Variants in KCNG4 observed in about 807,000 individuals in gnomAD.
KCNG4 encodes the protein voltage-gated potassium channel regulatory subunit KCNG4.
A neutral mutation model predicts 28.2 loss-of-function variants in KCNG4; 30 were observed. That is an observed-to-expected ratio of 1.06 (90% CI 0.80 to 1.44). The LOEUF (loss-of-function observed/expected upper bound fraction) is 1.44. Ranked by LOEUF, KCNG4 falls within the 40% of genes most tolerant of loss-of-function variation. The pLI, the probability that KCNG4 is intolerant of heterozygous loss-of-function variation, is 0.00. For synonymous variants in KCNG4, 375 were observed against 315.5 expected (o/e 1.19, Z -2.00); for missense variants, 879 against 712.3 (o/e 1.23, Z -2.66).
chr16:84,222,433 G>T lies in KCNG4; in HGVS notation c.1344C>A (p.Phe448Leu). The T allele has an allele frequency of 1.2e-6, 2 of 1,614,138 alleles. No homozygotes were observed. The highest frequency in any genetic ancestry group is 2.2e-5 in the South Asian group (2 of 91,080). ...SILSGILIMAFPATSIFHTFS... is the reference protein window; with the variant it reads ...SILSGILIMALPATSIFHTFS... Reference sequence around the variant, plus strand: ...AGGTGTGGAAGATAGACGTGGCCGGGAAGGCCATGATGAGGATCCCGCTCA... The same window carrying T: ...AGGTGTGGAAGATAGACGTGGCCGGTAAGGCCATGATGAGGATCCCGCTCA... Residue 448 changes from phenylalanine (F) to leucine (L), a missense_variant, in exon 3 of 3, where the codon TTC becomes TTA. Physicochemically the swap from Phe to Leu is conservative, Grantham distance 22. Coordinates refer to ENST00000308251, the MANE Select transcript of KCNG4 (RefSeq NM_172347.3).
chr16:84,236,283 C>T, intron 2 of KCNG4: 1 of 201,286 alleles, frequency 5.0e-6, no homozygotes, highest in Non-Finnish European at 1.0e-5. Context: ...TGCTCTAGGG[C>T]TTAGCACAGA....
In KCNG4 at chr16:84,222,038, G is replaced by A. The variant is rs957478389; in HGVS notation, c.*179C>T. ...CTGGACACAGTCAGCCTGGGACATC[G>A]GGGCCCCGAGGGACAAGGATCACAG... On this transcript the variant is annotated 3_prime_UTR_variant, in exon 3 of 3. Coordinates refer to ENST00000308251, the MANE Select transcript of KCNG4 (RefSeq NM_172347.3). 2.3e-5 allele frequency: 16 copies of A among 692,698 alleles called. No homozygotes were observed. The highest frequency in any genetic ancestry group is 2.9e-5 in the Non-Finnish European group (12 of 410,038). 42.9% of individuals were successfully genotyped at this position (692,698 alleles called of 1,614,324 possible).
In KCNG4 at chr16:84,230,132, T is replaced by C. The variant is rs1324556015; in HGVS notation, c.756+6598A>G. Among the ~76,000 whole-genome samples the C allele has an allele frequency of 2.0e-5, 3 of 152,040 alleles. 1 individual carries two copies. The highest frequency in any genetic ancestry group is 6.5e-5 in the Admixed American group (1 of 15,282). ...AAAATCTCTCTCTGTGGGCCAGGCA[T>C]AGTGGCTCAGGCCTATAATCCCAGC... On this transcript the variant is annotated intron_variant, in intron 2 of 2. Transcript: ENST00000308251.
chr16:84,224,900 G>C (rs1212579306), intron 2 of KCNG4, among the ~76,000 whole-genome samples: 2 of 152,180 alleles, frequency 1.3e-5, no homozygotes, highest in Non-Finnish European at 2.9e-5. Context: ...ATGTCTGCTT[G>C]TCTAGTTACA....
chr16:84,238,782 C>T (rs538502197), intron 1 of KCNG4, among the ~76,000 whole-genome samples: 6 of 152,162 alleles, frequency 3.9e-5, no homozygotes, highest in African/African-American at 1.2e-4. Context: ...GCAGGAGAAT[C>T]GCTTGAACCC....
At chr16:84,230,447 C>T (rs1467881064) in intron 2 of KCNG4, among the ~76,000 whole-genome samples, 1 of 150,414 alleles carries the variant, frequency 6.6e-6, no homozygotes, top group East Asian at 1.9e-4. Flanking sequence ...TGGTGGGCGC[C>T]TGTAGTCGCA....
intron 2 of KCNG4, among the ~76,000 whole-genome samples, chr16:84,224,413 C>CACACACACACACAT (rs1904651272): frequency 1.4e-5 from 2 of 140,586 alleles, no homozygotes; most frequent in Admixed American, 1.4e-4. Flanking sequence ...TACACACACA[C>CACACACACACACAT]ACACACACAC....
Position 84,226,096 on chromosome 16 carries a change from G to A in KCNG4, c.757-3076C>T, listed in dbSNP as rs556167422. On this transcript the variant is annotated intron_variant, in intron 2 of 2. Transcript: ENST00000308251. The surrounding 1 kb of genome is among the most constrained non-coding windows in gnomAD (Gnocchi z 4.1). ...ACCCCCTGGGCCCTGGGCACACCGG[G>A]ATGGTTGGTCACCCTATTCCTAGCC... Among the ~76,000 whole-genome samples the A allele has an allele frequency of 6.4e-4, 98 of 152,372 alleles. 1 individual carries two copies. Among genetic ancestry groups the A allele is most frequent in the Non-Finnish European group, 1.3e-3 (88 of 68,030 alleles).
In KCNG4 at chr16:84,222,679, A is replaced by ACGG; in HGVS notation, c.1095_1097dup (p.Arg366dup). ...GGAGCAGGCCGAACTCACGTGTGCA[A>ACGG]CGGCGCACGGTGAGCCCCAGCGTCT... On this transcript the variant is annotated inframe_insertion, in exon 3 of 3. Transcript: ENST00000308251. 1 of 1,613,184 alleles carries ACGG rather than the reference A, an allele frequency of 6.2e-7. No individual in the cohort carries two copies. The highest frequency in any genetic ancestry group is 8.5e-7 in the Non-Finnish European group (1 of 1,179,834).
Position 84,226,162 on chromosome 16 carries a change from G to A in KCNG4, c.757-3142C>T, listed in dbSNP as rs1597616831. On this transcript the variant is annotated intron_variant, in intron 2 of 2. Coordinates refer to ENST00000308251, the MANE Select transcript of KCNG4 (RefSeq NM_172347.3). The surrounding 1 kb of genome is among the most constrained non-coding windows in gnomAD (Gnocchi z 4.1). ...GCGAGGTGTGTTCTGGCTCCTTCCT[G>A]CAATGAAGAAGAGCAAGCGTCAGCC... 6.6e-6 allele frequency among the ~76,000 whole-genome samples: 1 copy of A among 152,204 alleles called. No individual in the cohort carries two copies. Among genetic ancestry groups the A allele is most frequent in the Non-Finnish European group, 1.5e-5 (1 of 68,036 alleles).
At chr16:84,229,472 G>A (rs996601748) in intron 2 of KCNG4, among the ~76,000 whole-genome samples, 1 of 152,228 alleles carries the variant, frequency 6.6e-6, no homozygotes, top group African/African-American at 2.4e-5. Flanking sequence ...CCCAGCAGGG[G>A]TCTAAGAAGT....
rs763264880 is a variant in KCNG4, at chr16:84,236,889, G to A, written c.597C>T (p.Arg199=). Residue 199 remains arginine, a synonymous_variant, in exon 2 of 3, where the codon CGC becomes CGT. Coordinates refer to ENST00000308251, the MANE Select transcript of KCNG4 (RefSeq NM_172347.3). ...GCAGCCGGTTCATGCACAGGCCCCA[G>A]CGCGAGGAGTGCGAGGCGGGGCGGC... ...ETRRPASHSS[R]WGLCMNRLRE... The A allele has an allele frequency of 6.2e-7, 1 of 1,613,528 alleles. No individual in the cohort carries two copies. Among genetic ancestry groups the A allele is most frequent in the Non-Finnish European group, 8.5e-7 (1 of 1,180,012 alleles).
intron 2 of KCNG4, among the ~76,000 whole-genome samples, chr16:84,229,691 C>CG (rs1567625540): frequency 1.3e-5 from 2 of 152,128 alleles, no homozygotes; most frequent in South Asian, 4.2e-4. Flanking sequence ...GGGGCATTTG[C>CG]GGGGGGCTGG....
chr16:84,228,347 G>A (rs914850866), intron 2 of KCNG4, among the ~76,000 whole-genome samples: 7 of 152,148 alleles, frequency 4.6e-5, no homozygotes, highest in Admixed American at 6.5e-5. Context: ...TCTGCAGCTC[G>A]GCATCCCTCC....
chr16:84,230,854 A>G (rs1904811350), intron 2 of KCNG4, among the ~76,000 whole-genome samples: 1 of 152,226 alleles, frequency 6.6e-6, no homozygotes, highest in Non-Finnish European at 1.5e-5. Flanking sequence ...AACAGTGGGA[A>G]GGCCGGCAGG....
At position 84,228,498 on chromosome 16, in the gene KCNG4, G is replaced by A. The variant is rs1398304982; in HGVS notation, c.757-5478C>T. Among the ~76,000 whole-genome samples, 13 of 151,946 alleles carry A rather than the reference G, an allele frequency of 8.6e-5. No homozygotes were observed. In the East Asian group the frequency reaches 9.7e-4, roughly 11 times the overall value. ...CCACTCCTTTAGCCACTTTTCTCTC[G>A]GCCAGCCGTGCCCTCCGCTACCCTC... On this transcript the variant is annotated intron_variant, in intron 2 of 2. Coordinates refer to ENST00000308251, the MANE Select transcript of KCNG4 (RefSeq NM_172347.3).
chr16:84,237,526 C>A lies in KCNG4; in HGVS notation c.-40-1G>T. On this transcript the variant is annotated splice_acceptor_variant, in intron 1 of 2. Transcript: ENST00000308251. LOFTEE classifies it low-confidence loss of function (5UTR_SPLICE). ...GGTAGGAAGCGCTGGGTTTACCAGTCTGACACCCAAGGGACAAAGAGCAAG... is the reference window on the plus strand; with the variant it reads ...GGTAGGAAGCGCTGGGTTTACCAGTATGACACCCAAGGGACAAAGAGCAAG... 1 of 1,446,846 alleles carries A rather than the reference C, an allele frequency of 6.9e-7. No individual in the cohort carries two copies. Among genetic ancestry groups the A allele is most frequent in the Non-Finnish European group, 9.1e-7 (1 of 1,100,626 alleles). The allele number at this position is 1,446,846 out of a possible 1,614,324, so 89.6% of individuals were successfully genotyped here. A position where few individuals can be genotyped will look rare whatever the true frequency, so the allele number is the denominator to read the frequency against.
Position 84,222,643 on chromosome 16 carries a change from C to A in KCNG4, c.1134G>T (p.Leu378=). The change falls in exon 3 of 3, where the codon CTG becomes CTT. Residue 378 remains leucine (L), a synonymous_variant. Transcript: ENST00000308251. Reference sequence around the variant, plus strand: ...GGGAGAAGAGGGTGATGGCCACGGCCAGGAAGAGAAGGAGCAGGCCGAACT... The same window carrying A: ...GGGAGAAGAGGGTGATGGCCACGGCAAGGAAGAGAAGGAGCAGGCCGAACT... ...TREFGLLLLF[L]AVAITLFSPL... The A allele has an allele frequency of 6.2e-7, 1 of 1,613,302 alleles. No individual in the cohort carries two copies. Among genetic ancestry groups the A allele is most frequent in the Non-Finnish European group, 8.5e-7 (1 of 1,179,964 alleles).
intron 2 of KCNG4, among the ~76,000 whole-genome samples, chr16:84,230,226 G>A (rs1422752016): frequency 5.3e-5 from 8 of 152,102 alleles, no homozygotes; most frequent in African/African-American, 1.2e-4. Context: ...CCAACATGGC[G>A]AAACCCCGTC....
Sources: allele counts gnomAD v4.1 joint callset (sites outside exome capture counted in the v4.1 genomes callset), GRCh38; gene constraint gnomAD v4.1.1; non-coding constraint Gnocchi (gnomAD v3.1); transcripts MANE v1.5; gene names NCBI Gene and HGNC (gene_info 2026-07-23, HGNC 2026-07-21).